The following SLC26A8 variants were observed in gnomAD, a reference collection of about 807,000 sequenced individuals.
SLC26A8 encodes testis anion transporter 1.
In SLC26A8, 70 loss-of-function variants were observed where a neutral mutation model predicts 105.0. That is an observed-to-expected ratio of 0.67 (90% CI 0.55 to 0.81). The LOEUF (loss-of-function observed/expected upper bound fraction) is 0.81, where lower values mean the gene tolerates loss of function less well. SLC26A8 is among the 40% of genes least tolerant of loss of function. The pLI is 0.00. For synonymous variants in SLC26A8, 415 were observed against 438.3 expected, an observed-to-expected ratio of 0.95 and a Z score of 0.66; for missense variants, 998 against 1,181.8, an observed-to-expected ratio of 0.84 and a Z score of 2.28.
chr6:35,953,481 G>A (rs1771949279), intron 17 of SLC26A8, among the ~76,000 whole-genome samples: 1 of 152,196 alleles, frequency 6.6e-6, no homozygotes, highest in Non-Finnish European at 1.5e-5. Flanking sequence ...AAAATTACAT[G>A]AGATAGTGTA....
Position 35,968,611 on chromosome 6 carries a change from ATATATATATATATATATATATAT to A in SLC26A8, c.1365+243_1365+265del, listed in dbSNP as rs1772636932. On this transcript the variant is annotated intron_variant, in intron 11 of 19. Coordinates refer to ENST00000490799, the MANE Select transcript of SLC26A8 (RefSeq NM_052961.4). ...TGTATGTGTGTGTGTGTGTGTGTGT[ATATATATATATATATATATATAT>A]ATATATATATATATATATATCTCAC... Among the ~76,000 whole-genome samples the A allele has an allele frequency of 3.4e-4, 15 of 44,116 alleles. 1 individual carries two copies. The highest frequency in any genetic ancestry group is 1.8e-3 in the East Asian group (2 of 1,112). The allele number at this position is 44,116 out of a possible 152,430, so 28.9% of individuals were successfully genotyped here.
At chr6:35,946,848 T>C (rs1052743397) in intron 19 of SLC26A8, among the ~76,000 whole-genome samples, 2 of 151,712 alleles carry the variant, frequency 1.3e-5, no homozygotes, top group East Asian at 3.9e-4. Context: ...CCATCATACC[T>C]GGCTGATTTT....
chr6:35,958,368 C>T (rs1772175676), intron 16 of SLC26A8, among the ~76,000 whole-genome samples: 1 of 152,012 alleles, frequency 6.6e-6, no homozygotes, highest in Non-Finnish European at 1.5e-5. Context: ...GGCATGGTGG[C>T]ATGTACCTGT....
At chr6:35,985,692 CAAAAAAAAAAAAAAAAAAAA>C (rs58199602) in intron 7 of SLC26A8, among the ~76,000 whole-genome samples, 1 of 46,920 alleles carries the variant, frequency 2.1e-5, no homozygotes, top group Non-Finnish European at 4.0e-5. Flanking sequence ...GACTCCGTCT[CAAAAAAAAAAAAAAAAAAAA>C]AAAAAAAAAG....
chr6:35,996,893 G>A (rs551966951), intron 5 of SLC26A8, among the ~76,000 whole-genome samples: 2 of 152,144 alleles, frequency 1.3e-5, no homozygotes, highest in African/African-American at 4.8e-5. Flanking sequence ...AAATGTGCTG[G>A]GTGTGGTGGC....
intron 19 of SLC26A8, among the ~76,000 whole-genome samples, chr6:35,946,791 A>T (rs1771691800): frequency 6.6e-6 from 1 of 151,430 alleles, no homozygotes; most frequent in Non-Finnish European, 1.5e-5. Context: ...GGGCTCAAGC[A>T]ATCCTCCTGC....
chr6:35,982,032 A>T, intron 8 of SLC26A8, 89 bp downstream of exon 8: 1 of 1,342,320 alleles, frequency 7.4e-7, no homozygotes, highest in Non-Finnish European at 1.1e-6. Flanking sequence ...AGAGACTGCT[A>T]GTAGAAAATA....
chr6:35,997,882 A>C lies in SLC26A8; in HGVS notation c.483T>G (p.Val161=), dbSNP rs1038109114. Reference sequence around the variant, plus strand: ...CGTTGTTGAATGGGCTCACTTTCAGAACGTTGATCAGCAGAGCACTCACCA... The same window carrying C: ...CGTTGTTGAATGGGCTCACTTTCAGCACGTTGATCAGCAGAGCACTCACCA... The part of the protein sequence containing the change: ...FFLVSALLIN[V]LKVSPFNNGQ... The change falls in exon 5 of 20, where the codon GTT becomes GTG. Residue 161 remains valine, a synonymous_variant. Transcript: ENST00000490799. 6.2e-7 allele frequency: 1 copy of C among 1,614,156 alleles called. No homozygotes were observed. The highest frequency in any genetic ancestry group is 1.7e-5 in the Admixed American group (1 of 60,014).
chr6:35,989,927 C>CTTTTTTTTTTTTTTTTT lies in SLC26A8; in HGVS notation c.942+1715_942+1731dup, dbSNP rs869306115. 9.5e-5 allele frequency: 8 copies of CTTTTTTTTTTTTTTTTT among 84,572 alleles called. 3 individuals carry two copies. The highest frequency in any genetic ancestry group is 3.6e-4 in the African/African-American group (7 of 19,478). The allele number at this position is 84,572 out of a possible 1,614,324, so 5.2% of individuals were successfully genotyped here. ...TTTGTTTGTTTGTTTGTTTTCTTTT[C>CTTTTTTTTTTTTTTTTT]TTTTTTTTTTTTTTTTTTTTTTTTT... On this transcript the variant is annotated intron_variant, in intron 7 of 19. Coordinates refer to ENST00000490799, the MANE Select transcript of SLC26A8 (RefSeq NM_052961.4).
intron 10 of SLC26A8, among the ~76,000 whole-genome samples, chr6:35,972,757 A>C (rs1199605545): frequency 6.6e-6 from 1 of 152,248 alleles, no homozygotes; most frequent in African/African-American, 2.4e-5. Context: ...CCTTTGAGGC[A>C]GACCTTCTGT....
chr6:35,959,399 G>T (rs1772219770), intron 16 of SLC26A8, 61 bp downstream of exon 16: 1 of 1,496,772 alleles, frequency 6.7e-7, no homozygotes, highest in Non-Finnish European at 8.9e-7. Flanking sequence ...TTTAAGAAAT[G>T]ACTAGTGTAC....
At chr6:36,017,938 T>C (rs1034063932) in intron 2 of SLC26A8, among the ~76,000 whole-genome samples, 2 of 152,146 alleles carry the variant, frequency 1.3e-5, no homozygotes, top group African/African-American at 2.4e-5. Context: ...CCTTTAGTCA[T>C]CAGGAAAATG....
intron 5 of SLC26A8, among the ~76,000 whole-genome samples, chr6:35,996,064 A>G (rs942090987): frequency 2.0e-5 from 3 of 152,180 alleles, no homozygotes; most frequent in Non-Finnish European, 4.4e-5. Flanking sequence ...AATACTTTGC[A>G]TGCATTTTTT....
At chr6:36,009,650 T>C (rs1761794608) in intron 3 of SLC26A8, among the ~76,000 whole-genome samples, 1 of 152,180 alleles carries the variant, frequency 6.6e-6, no homozygotes, top group African/African-American at 2.4e-5. Context: ...GTTAAAATTA[T>C]AGAAGTGAAG....
chr6:35,956,696 G>A (rs1216763130), intron 16 of SLC26A8, among the ~76,000 whole-genome samples: 1 of 152,130 alleles, frequency 6.6e-6, no homozygotes, highest in Non-Finnish European at 1.5e-5. Flanking sequence ...GAGGTGGGTG[G>A]ATCATCTGAG....
chr6:35,983,285 C>T (rs1045733270), intron 7 of SLC26A8, among the ~76,000 whole-genome samples: 1 of 152,088 alleles, frequency 6.6e-6, no homozygotes, highest in Non-Finnish European at 1.5e-5. Flanking sequence ...GTATGGCAAG[C>T]ATGGCAAGGA....
intron 1 of SLC26A8, chr6:36,024,233 TAG>T (rs930025810): frequency 3.2e-6 from 1 of 312,668 alleles, no homozygotes; most frequent in African/African-American, 2.4e-5. Flanking sequence ...TTTGACAATA[TAG>T]ACAGGAGAAT....
chr6:35,975,274 C>T (rs745675286), intron 10 of SLC26A8, 101 bp downstream of exon 10: 219 of 547,366 alleles, frequency 4.0e-4, no homozygotes, highest in Non-Finnish European at 6.2e-4. Context: ...AGCATTAAAA[C>T]AGCAAGAAGA....
At chr6:35,952,369 CA>C (rs1439283251) in intron 17 of SLC26A8, among the ~76,000 whole-genome samples, 2 of 152,166 alleles carry the variant, frequency 1.3e-5, no homozygotes. Context: ...AGTAAAACAT[CA>C]GATGTTTACT....
Sources: allele counts gnomAD v4.1 joint callset (sites outside exome capture counted in the v4.1 genomes callset), GRCh38; gene constraint gnomAD v4.1.1; transcripts MANE v1.5; gene names NCBI Gene and HGNC (gene_info 2026-07-23, HGNC 2026-07-21).